Variants in CTNNA3 observed in about 807,000 individuals in gnomAD.
CTNNA3 encodes catenin alpha-3.
In CTNNA3, 76 loss-of-function variants were observed where a neutral mutation model predicts 95.7. The observed-to-expected ratio is 0.79, with a 90% CI of 0.66 to 0.96. The LOEUF (loss-of-function observed/expected upper bound fraction) is 0.96. Among genes scored for constraint, CTNNA3 ranks in the 40% least tolerant of loss-of-function variants. The pLI is 0.00. For synonymous variants in CTNNA3, 431 were observed against 374.4 expected (o/e 1.15, Z -1.74); for missense variants, 1,191 against 1,089.8 (o/e 1.09, Z -1.31).
At chr10:66,172,650 A>G (rs1039086866) in intron 13 of CTNNA3, among the ~76,000 whole-genome samples, 5 of 152,118 alleles carry the variant, frequency 3.3e-5, no homozygotes, top group African/African-American at 1.2e-4. Context: ...TCTTTAGGAA[A>G]GAAATACCTG....
intron 11 of CTNNA3, among the ~76,000 whole-genome samples, chr10:66,492,450 AT>A (rs60327021): frequency 0.4 from 57,218 of 143,986 alleles, 11,387 homozygotes; most frequent in Non-Finnish European, 0.44. Context: ...GGCCCAGCTA[AT>A]TTTTTTTTTT....
intron 12 of CTNNA3, among the ~76,000 whole-genome samples, chr10:66,293,839 G>A (rs1003408778): frequency 2.0e-5 from 3 of 151,678 alleles, no homozygotes; most frequent in Non-Finnish European, 2.9e-5. Flanking sequence ...CTAATTTTTT[G>A]TGTTTTTAGT....
intron 5 of CTNNA3, among the ~76,000 whole-genome samples, chr10:67,442,433 A>G: frequency 6.6e-6 from 1 of 152,106 alleles, no homozygotes; most frequent in Non-Finnish European, 1.5e-5. Context: ...ATTAAAAAAA[A>G]GAGAGAGACC....
chr10:66,840,272 C>T (rs188740699), intron 7 of CTNNA3, among the ~76,000 whole-genome samples: 2 of 150,760 alleles, frequency 1.3e-5, no homozygotes, highest in Non-Finnish European at 3.0e-5. Context: ...CAGACTCTGG[C>T]TTACCCTTAA....
At chr10:66,419,945 A>G (rs535291098) in intron 11 of CTNNA3, among the ~76,000 whole-genome samples, 1 of 152,302 alleles carries the variant, frequency 6.6e-6, no homozygotes, top group East Asian at 1.9e-4. Context: ...CTAGAAGGAA[A>G]CATAGGAAAC....
At chr10:66,726,880 A>C (rs1848799325) in intron 9 of CTNNA3, among the ~76,000 whole-genome samples, 1 of 152,130 alleles carries the variant, frequency 6.6e-6, no homozygotes, top group East Asian at 1.9e-4. Context: ...AATCCAGCAG[A>C]AAATTTCACC....
At chr10:67,227,338 G>A (rs917804368) in intron 5 of CTNNA3, among the ~76,000 whole-genome samples, 5 of 152,060 alleles carry the variant, frequency 3.3e-5, no homozygotes, top group African/African-American at 7.2e-5. Flanking sequence ...TGATCTGCCC[G>A]CCTTGGCCTC....
intron 10 of CTNNA3, among the ~76,000 whole-genome samples, chr10:66,595,062 A>C (rs1271472808): frequency 6.6e-6 from 1 of 152,096 alleles, no homozygotes; most frequent in Non-Finnish European, 1.5e-5. Flanking sequence ...AACCCCCAGA[A>C]GAAACAACAA....
intron 17 of CTNNA3, among the ~76,000 whole-genome samples, chr10:65,938,218 G>A (rs2077373540): frequency 6.6e-6 from 1 of 152,092 alleles, no homozygotes; most frequent in South Asian, 2.1e-4. Flanking sequence ...ATTTGATTCC[G>A]TTGATACTAG....
At chr10:66,922,958 CA>C (rs1846866410) in intron 7 of CTNNA3, among the ~76,000 whole-genome samples, 1 of 152,058 alleles carries the variant, frequency 6.6e-6, no homozygotes, top group African/African-American at 2.4e-5. Context: ...GTATAAAAAA[CA>C]ATCCAATTAT....
chr10:66,100,572 T>C (rs529162274), intron 14 of CTNNA3, among the ~76,000 whole-genome samples: 9 of 152,232 alleles, frequency 5.9e-5, no homozygotes, highest in Admixed American at 5.9e-4. Flanking sequence ...GTCTGAGAAC[T>C]GTACGCAGCA....
chr10:66,268,222 C>T (rs1383072070), intron 13 of CTNNA3, among the ~76,000 whole-genome samples: 4 of 152,118 alleles, frequency 2.6e-5, no homozygotes, highest in African/African-American at 7.2e-5. Context: ...GACCTTTACA[C>T]TCTTTCCATT....
intron 12 of CTNNA3, among the ~76,000 whole-genome samples, chr10:66,305,834 T>C (rs758371615): frequency 1.3e-5 from 2 of 152,182 alleles, no homozygotes; most frequent in Admixed American, 6.5e-5. Flanking sequence ...AGTTAAGTAC[T>C]TAATAAAGGC....
At position 66,447,429 on chromosome 10, in the gene CTNNA3, C is replaced by T. The variant is rs77020755; in HGVS notation, c.1532-68077G>A. Among the ~76,000 whole-genome samples the T allele has an allele frequency of 5.8e-5, 5 of 86,144 alleles. 1 individual carries two copies. The East Asian group carries it at 1.5e-3, about 26-fold the overall frequency. 56.5% of individuals were successfully genotyped at this position (86,144 alleles called of 152,430 possible). Reference sequence around the variant, plus strand: ...ACACTACCTGACTTCAGACTATACTCCAAGGCTACAGTAACCAAAACAGCA... The same window carrying T: ...ACACTACCTGACTTCAGACTATACTTCAAGGCTACAGTAACCAAAACAGCA... On this transcript the variant is annotated intron_variant, in intron 11 of 17. Coordinates refer to ENST00000433211, the MANE Select transcript of CTNNA3 (RefSeq NM_013266.4).
chr10:66,630,441 T>C (rs1463803734), intron 9 of CTNNA3, among the ~76,000 whole-genome samples: 1 of 152,150 alleles, frequency 6.6e-6, no homozygotes, highest in African/African-American at 2.4e-5. Context: ...TTACCTTCAC[T>C]TAAGATATCA....
At chr10:67,032,148 G>A (rs777957275) in intron 7 of CTNNA3, among the ~76,000 whole-genome samples, 2 of 152,054 alleles carry the variant, frequency 1.3e-5, no homozygotes, top group Non-Finnish European at 2.9e-5. Context: ...GAGAACCTGA[G>A]GCCTAGAAAA....
At chr10:66,562,212 T>C (rs1842575602) in intron 10 of CTNNA3, among the ~76,000 whole-genome samples, 1 of 152,120 alleles carries the variant, frequency 6.6e-6, no homozygotes, top group South Asian at 2.1e-4. Context: ...CAAGGAAAAC[T>C]TCAGCTAACA....
intron 14 of CTNNA3, among the ~76,000 whole-genome samples, chr10:66,093,809 T>A (rs761738163): frequency 2.5e-4 from 38 of 152,046 alleles, no homozygotes; most frequent in Admixed American, 2.3e-3. Context: ...CTAGGCTCAA[T>A]ATATTAGCCT....
intron 9 of CTNNA3, among the ~76,000 whole-genome samples, chr10:66,721,012 A>T (rs1848611898): frequency 6.6e-6 from 1 of 152,108 alleles, no homozygotes; most frequent in Non-Finnish European, 1.5e-5. Context: ...AGACCCACAA[A>T]TATTTTTATT....
Sources: allele counts gnomAD v4.1 joint callset (sites outside exome capture counted in the v4.1 genomes callset), GRCh38; gene constraint gnomAD v4.1.1; transcripts MANE v1.5; gene names NCBI Gene and HGNC (gene_info 2026-07-23, HGNC 2026-07-21).